The following CHPT1 variants were observed in gnomAD, a reference collection of about 807,000 sequenced individuals.
CHPT1 encodes the protein choline phosphotransferase 1, also known as cholinephosphotransferase 1.
CHPT1 carries 36 observed loss-of-function variants against 47.6 expected under a neutral mutation model. The observed-to-expected ratio is 0.76, with a 90% confidence interval of 0.58 to 1.00. The LOEUF (loss-of-function observed/expected upper bound fraction) is 1.00. Among genes scored for constraint, CHPT1 ranks in the 50% least tolerant of loss-of-function variants. CHPT1 has a pLI of 0.00. For missense variants in CHPT1, 458 were observed against 498.1 expected (o/e 0.92, Z 0.77); for synonymous variants, 194 against 186.3 (o/e 1.04, Z -0.33).
intron 5 of CHPT1, among the ~76,000 whole-genome samples, chr12:101,721,036 A>G (rs113556290): frequency 0.016 from 2,381 of 152,086 alleles, 68 homozygotes; most frequent in African/African-American, 0.054. Context: ...AATCCTAGCA[A>G]TTTTGGAGGC....
At chr12:101,714,822 A>G in intron 3 of CHPT1, 177 bp downstream of exon 3, 1 of 461,080 alleles carries the variant, frequency 2.2e-6, no homozygotes, top group Admixed American at 4.2e-5. Flanking sequence ...CATGTTATAA[A>G]TAGTTACATT....
intron 1 of CHPT1, among the ~76,000 whole-genome samples, chr12:101,700,466 G>A (rs911061876): frequency 6.6e-6 from 1 of 152,176 alleles, no homozygotes; most frequent in Non-Finnish European, 1.5e-5. Context: ...ATATGCTTCT[G>A]AGTGACTGAT....
intron 1 of CHPT1, among the ~76,000 whole-genome samples, chr12:101,700,880 G>GT (rs1406358943): frequency 1.3e-5 from 2 of 152,092 alleles, no homozygotes; most frequent in Non-Finnish European, 2.9e-5. Context: ...CTTGGGACTT[G>GT]TTTTCTGATT....
chr12:101,698,747 A>T (rs1357831157), intron 1 of CHPT1, among the ~76,000 whole-genome samples: 1 of 152,158 alleles, frequency 6.6e-6, no homozygotes, highest in Non-Finnish European at 1.5e-5. Flanking sequence ...CCTAGGGATT[A>T]AAAAAACCCC....
intron 4 of CHPT1, chr12:101,717,455 A>G (rs1245823718): frequency 9.0e-6 from 3 of 333,744 alleles, no homozygotes; most frequent in Non-Finnish European, 1.8e-5. Flanking sequence ...AAGAATAATA[A>G]TAATAAGGAT....
At chr12:101,722,108 G>C (rs1951859748) in intron 5 of CHPT1, among the ~76,000 whole-genome samples, 1 of 151,908 alleles carries the variant, frequency 6.6e-6, no homozygotes, top group Non-Finnish European at 1.5e-5. Context: ...ATGTTTGAAG[G>C]ATGACTTAAA....
chr12:101,726,154 G>A (rs1265300756), intron 7 of CHPT1, 140 bp from the exon 8 acceptor site: 7 of 624,138 alleles, frequency 1.1e-5, no homozygotes, highest in South Asian at 1.0e-4. Context: ...AATTTGAAAT[G>A]TATTAAAGTG....
At chr12:101,722,519 G>C (rs1482794403) in intron 5 of CHPT1, among the ~76,000 whole-genome samples, 2 of 151,806 alleles carry the variant, frequency 1.3e-5, no homozygotes, top group East Asian at 3.9e-4. Flanking sequence ...TTTGCAGTCT[G>C]AATGCAAAAA....
At chr12:101,702,919 T>G (rs2136999183) in intron 1 of CHPT1, among the ~76,000 whole-genome samples, 2 of 152,294 alleles carry the variant, frequency 1.3e-5, no homozygotes, top group Admixed American at 1.3e-4. Flanking sequence ...CCTTAACTTC[T>G]GCAGCCATGG....
In CHPT1 at chr12:101,714,764, C is replaced by T. The variant is rs570696987; in HGVS notation, c.563+119C>T. ...CTTCAATCAGTAACTTAAATTAATTCGTCGGAGTACTCATAAATGCTACAC... is the reference window on the plus strand; with the variant it reads ...CTTCAATCAGTAACTTAAATTAATTTGTCGGAGTACTCATAAATGCTACAC... On this transcript the variant is annotated intron_variant, in intron 3 of 8. Coordinates refer to ENST00000229266, the MANE Select transcript of CHPT1 (RefSeq NM_020244.3). The T allele has an allele frequency of 1.7e-4, 172 of 1,004,960 alleles. No homozygotes were observed. The South Asian group carries it at 1.9e-3, about 11-fold the overall frequency. 62.3% of individuals were successfully genotyped at this position (1,004,960 alleles called of 1,614,324 possible).
At chr12:101,703,638 A>G (rs1362384208) in intron 1 of CHPT1, among the ~76,000 whole-genome samples, 1 of 152,086 alleles carries the variant, frequency 6.6e-6, no homozygotes, top group Non-Finnish European at 1.5e-5. Flanking sequence ...ACCTTTTCTG[A>G]CCACCAAGGC....
rs1482694639 is a variant in CHPT1, at chr12:101,713,321, T to C, written c.274-769T>C. Among the ~76,000 whole-genome samples, 4 of 152,210 alleles carry C rather than the reference T, an allele frequency of 2.6e-5. No individual in the cohort carries two copies. In the South Asian group the frequency reaches 8.3e-4, roughly 32 times the overall value. On this transcript the variant is annotated intron_variant, in intron 1 of 8. Transcript: ENST00000229266. ...ATCTCATTCAGGCACAGATGAGTTC[T>C]CAGCCGAAGACGGAAAGATACCCTT...
chr12:101,725,739 A>T (rs1287841236), intron 7 of CHPT1, among the ~76,000 whole-genome samples: 1 of 152,132 alleles, frequency 6.6e-6, no homozygotes, highest in African/African-American at 2.4e-5. Flanking sequence ...GGGCAGAGCT[A>T]TGAGTCTCCT....
At position 101,711,408 on chromosome 12, in the gene CHPT1, A is replaced by T. The variant is rs1951699964; in HGVS notation, c.274-2682A>T. 1.3e-5 allele frequency among the ~76,000 whole-genome samples: 2 copies of T among 148,542 alleles called. 1 individual carries two copies. On this transcript the variant is annotated intron_variant, in intron 1 of 8. Coordinates refer to ENST00000229266, the MANE Select transcript of CHPT1 (RefSeq NM_020244.3). Reference sequence around the variant, plus strand: ...GGATGAGCCTGGGAGACATTATGCTAAGTGAAATAAGCCAGACACAGAAAG... The same window carrying T: ...GGATGAGCCTGGGAGACATTATGCTTAGTGAAATAAGCCAGACACAGAAAG...
At chr12:101,701,045 CG>C (rs1951547812) in intron 1 of CHPT1, among the ~76,000 whole-genome samples, 1 of 152,058 alleles carries the variant, frequency 6.6e-6, no homozygotes, top group Non-Finnish European at 1.5e-5. Context: ...ACATTTGATA[CG>C]TTTTTAAGCA....
At chr12:101,726,609 AG>A in intron 8 of CHPT1, 1 of 638,766 alleles carries the variant, frequency 1.6e-6, no homozygotes, top group Non-Finnish European at 2.4e-6. Flanking sequence ...TTTTTATCAC[AG>A]ATGTTCTCAG....
In CHPT1 at chr12:101,714,633, T is replaced by C; in HGVS notation, c.551T>C (p.Leu184Ser). Residue 184 changes from leucine to serine, a missense_variant, in exon 3 of 9, where the codon TTG becomes TCG. Leu to Ser is a moderately radical substitution (Grantham distance 145, BLOSUM62 -2). Coordinates refer to ENST00000229266, the MANE Select transcript of CHPT1 (RefSeq NM_020244.3). ...AHWQTYVSGM[L>S]RFGKVDVTEI... is the part of the protein sequence containing the mutation. The stretch of plus-strand genomic sequence containing the variant: ...TGGCAGACTTATGTTTCAGGCATGT[T>C]GAGATTTGGAAAGTAAGTATGCTTT... The C allele has an allele frequency of 6.2e-7, 1 of 1,602,482 alleles. No individual in the cohort carries two copies. The highest frequency in any genetic ancestry group is 1.1e-5 in the South Asian group (1 of 88,364).
chr12:101,725,695 A>G (rs1951932420), intron 7 of CHPT1, among the ~76,000 whole-genome samples: 1 of 151,686 alleles, frequency 6.6e-6, no homozygotes, highest in African/African-American at 2.4e-5. Context: ...AATGATAGAG[A>G]TTTTCCCCTC....
At chr12:101,714,702 T>G in intron 3 of CHPT1, 57 bp downstream of exon 3, 1 of 1,508,072 alleles carries the variant, frequency 6.6e-7, no homozygotes. Context: ...ATTTGCACAA[T>G]CTGTTATGTC....
Sources: gnomAD v4.1 joint callset for allele counts (sites outside exome capture counted in the v4.1 genomes callset) on GRCh38, gnomAD v4.1.1 for gene constraint, MANE v1.5 for transcripts, NCBI Gene and HGNC (gene_info 2026-07-23, HGNC 2026-07-21) for gene names.